The following DNAH2 variants were observed in gnomAD, a reference collection of about 807,000 sequenced individuals.
The protein encoded by DNAH2 is dynein axonemal heavy chain 2.
Under a neutral mutation model 523.5 loss-of-function variants are expected in DNAH2, and 323 were observed. That is an observed-to-expected ratio of 0.62 (90% CI 0.56 to 0.68). The LOEUF is 0.68. Ranked by LOEUF, DNAH2 falls within the 30% of genes least tolerant of loss-of-function variation. DNAH2 has a pLI of 0.00. For missense variants in DNAH2, 4,907 were observed against 5,701.5 expected (o/e 0.86, Z 4.49); for synonymous variants, 2,093 against 2,177.4 (o/e 0.96, Z 1.08).
rs141711615 is a variant in DNAH2, at chr17:7,827,360, T to C, written c.11853+2633T>C. ...CTATACTTGCCTTCCAAAAAATTTA[T>C]AATTTGACTTTCACATTTAAGTTTT... On this transcript the variant is annotated intron_variant, in intron 77 of 85. Transcript: ENST00000572933. Among the ~76,000 whole-genome samples the C allele has an allele frequency of 3.5e-3, 533 of 152,294 alleles. 2 individuals are homozygous for C. Among genetic ancestry groups the C allele is most frequent in the Non-Finnish European group, 6.1e-3 (412 of 68,034 alleles).
chr17:7,765,890 G>A (rs2076153857), intron 21 of DNAH2, among the ~76,000 whole-genome samples: 1 of 151,798 alleles, frequency 6.6e-6, no homozygotes, highest in Non-Finnish European at 1.5e-5. Flanking sequence ...CGATTCTCCT[G>A]CCTCAGCCTC....
chr17:7,734,299 T>C lies in DNAH2; in HGVS notation c.739+6T>C. ...GCTGGTGCAACGGCTAGAGAGTGAGTGGCTGGCACTGCTAGCATCACCTGG... is the reference window on the plus strand; with the variant it reads ...GCTGGTGCAACGGCTAGAGAGTGAGCGGCTGGCACTGCTAGCATCACCTGG... On this transcript the variant is annotated splice_donor_region_variant and intron_variant, in intron 6 of 85. Coordinates refer to ENST00000572933, the MANE Select transcript of DNAH2 (RefSeq NM_020877.5). 1 of 1,606,028 alleles carries C rather than the reference T, an allele frequency of 6.2e-7. No individual in the cohort carries two copies. The highest frequency in any genetic ancestry group is 8.5e-7 in the Non-Finnish European group (1 of 1,176,242).
chr17:7,773,787 T>C (rs1409392328), intron 28 of DNAH2, among the ~76,000 whole-genome samples: 2 of 152,068 alleles, frequency 1.3e-5, no homozygotes, highest in African/African-American at 4.8e-5. Context: ...TGGAGTGCGG[T>C]GGCACAATCT....
intron 44 of DNAH2, among the ~76,000 whole-genome samples, chr17:7,789,079 G>T (rs972907241): frequency 6.6e-6 from 1 of 152,176 alleles, no homozygotes; most frequent in Admixed American, 6.5e-5. Context: ...CAGGACAATC[G>T]CTTGAACCCA....
chr17:7,779,285 A>G lies in DNAH2; in HGVS notation c.5584A>G (p.Ile1862Val), dbSNP rs1338832725. ...CTTTGATGAGTTTAACCGCATCAACATCGAGGTGCTGTCAGTGGTGGCCCA... is the reference window on the plus strand; with the variant it reads ...CTTTGATGAGTTTAACCGCATCAACGTCGAGGTGCTGTCAGTGGTGGCCCA... ...GCFDEFNRIN[I>V]EVLSVVAHQI... The change falls in exon 36 of 86, where the codon ATC becomes GTC. Residue 1862 changes from isoleucine (I) to valine (V), a missense_variant. By Grantham distance (29) the Ile-to-Val change is conservative. Transcript: ENST00000572933. The G allele has an allele frequency of 1.9e-6, 3 of 1,614,152 alleles. No individual in the cohort carries two copies. The highest frequency in any genetic ancestry group is 1.7e-4 in the Middle Eastern group (1 of 6,028).
chr17:7,762,429 G>A (rs772120919), intron 18 of DNAH2, among the ~76,000 whole-genome samples: 118 of 147,890 alleles, frequency 8.0e-4, no homozygotes, highest in Non-Finnish European at 1.2e-3. Context: ...TCCGCCTCCC[G>A]GATTCATGCC....
In DNAH2 at chr17:7,798,996, T is replaced by C. The variant is rs1387399854; in HGVS notation, c.8560-107T>C. ...TGGGAGGATGGTTTGAGGCCAGGAG[T>C]TCAAGTCCAGCCTGGGAAACACTTC... On this transcript the variant is annotated intron_variant, in intron 55 of 85. Coordinates refer to ENST00000572933, the MANE Select transcript of DNAH2 (RefSeq NM_020877.5). This position sits in a 1 kb window ranked among gnomAD's most constrained non-coding sequence, Gnocchi z 5.5. The C allele has an allele frequency of 6.8e-7, 1 of 1,462,168 alleles. No homozygotes were observed. Among genetic ancestry groups the C allele is most frequent in the Admixed American group, 2.1e-5 (1 of 48,688 alleles). 90.6% of individuals were successfully genotyped at this position (1,462,168 alleles called of 1,614,324 possible). A position where few individuals can be genotyped will look rare whatever the true frequency, so the allele number is the denominator to read the frequency against.
chr17:7,740,796 C>T lies in DNAH2; in HGVS notation c.1507-14C>T, dbSNP rs1351582320. On this transcript the variant is annotated splice_polypyrimidine_tract_variant and intron_variant, in intron 10 of 85. Transcript: ENST00000572933. ...TCCCGGGCACGTCGCCAGCCTCTTCCTCTTCTTCCCTAGGCTATCAAGCGG... is the reference window on the plus strand; with the variant it reads ...TCCCGGGCACGTCGCCAGCCTCTTCTTCTTCTTCCCTAGGCTATCAAGCGG... 2 of 1,595,594 alleles carry T rather than the reference C, an allele frequency of 1.3e-6. No individual in the cohort carries two copies. Among genetic ancestry groups the T allele is most frequent in the African/African-American group, 2.7e-5 (2 of 74,620 alleles).
In DNAH2 at chr17:7,792,001, G is replaced by T. The variant is rs1206762389; in HGVS notation, c.6985G>T (p.Val2329Leu). 6.2e-7 allele frequency: 1 copy of T among 1,614,092 alleles called. No homozygotes were observed. The stretch of plus-strand genomic sequence containing the variant: ...CATGATCTGGTCTGTGTGTGCCTCT[G>T]TGGATGAGGAGGGCCGGAAGAGGAT... ...FSMIWSVCAS[V>L]DEEGRKRIDS... The change falls in exon 45 of 86, where the codon GTG becomes TTG. Residue 2329 changes from valine to leucine, a missense_variant. Val to Leu is a conservative substitution (Grantham distance 32). This residue lies in a region of DNAH2 where 2,806 missense variants were observed against 3,190.8 expected (regional missense o/e 0.88). Transcript: ENST00000572933.
At position 7,830,338 on chromosome 17, in the gene DNAH2, G is replaced by A; in HGVS notation, c.11892G>A (p.Met3964Ile). ...ACATGACACGTCTTTACCAACTGAT[G>A]TCAGAACCACAGTTTTCCCGCTGCT... is the stretch of plus-strand genomic sequence containing the variant. ...KANMTRLYQL[M>I]SEPQFSRCSK... Residue 3964 changes from methionine (M) to isoleucine (I), a missense_variant, in exon 78 of 86, where the codon ATG (methionine) becomes ATA (isoleucine). Physicochemically the swap from Met to Ile is conservative, Grantham distance 10. Around this residue, in one of 3 missense-constraint regions of DNAH2, gnomAD observed 1,851 missense variants for 2,139.4 expected, o/e 0.87. Coordinates refer to ENST00000572933, the MANE Select transcript of DNAH2 (RefSeq NM_020877.5). 2 of 1,614,230 alleles carry A rather than the reference G, an allele frequency of 1.2e-6. No individual in the cohort carries two copies. The highest frequency in any genetic ancestry group is 1.7e-6 in the Non-Finnish European group (2 of 1,180,038).
chr17:7,795,960 A>C (rs1001224158), intron 49 of DNAH2, among the ~76,000 whole-genome samples: 5 of 147,964 alleles, frequency 3.4e-5, no homozygotes, highest in African/African-American at 1.2e-4. Flanking sequence ...TAAATAAATA[A>C]ATATAAATAT....
At chr17:7,743,229 T>A in intron 12 of DNAH2, 87 bp downstream of exon 12, 1 of 1,283,638 alleles carries the variant, frequency 7.8e-7, no homozygotes, top group Middle Eastern at 1.8e-4. Context: ...ACTCCTCTCT[T>A]CATTATTCTC....
At chr17:7,815,005 A>G (rs548652554) in intron 63 of DNAH2, among the ~76,000 whole-genome samples, 1 of 152,334 alleles carries the variant, frequency 6.6e-6, no homozygotes, top group South Asian at 2.1e-4. Context: ...ACAAAAAAAA[A>G]GAAAAAGAAA....
rs2075160132 is a variant in DNAH2, at chr17:7,736,945, G to A, written c.979-122G>A. The stretch of plus-strand genomic sequence containing the variant: ...TGCAGTGAGCTGAGATCGCGCCATT[G>A]CACTCCAGCCCGGGTGACAAGAGTA... On this transcript the variant is annotated intron_variant, in intron 7 of 85. Coordinates refer to ENST00000572933, the MANE Select transcript of DNAH2 (RefSeq NM_020877.5). The A allele has an allele frequency of 6.7e-6, 6 of 889,770 alleles. No individual in the cohort carries two copies. In the South Asian group the frequency reaches 1.1e-4, roughly 16 times the overall value. The allele number at this position is 889,770 out of a possible 1,614,324, so 55.1% of individuals were successfully genotyped here.
At chr17:7,736,745 G>T (rs1476489280) in intron 7 of DNAH2, among the ~76,000 whole-genome samples, 6 of 152,164 alleles carry the variant, frequency 3.9e-5, no homozygotes, top group Admixed American at 3.9e-4. Flanking sequence ...ACTTTGGGAG[G>T]CTGAGGCAGG....
chr17:7,736,780 G>A (rs111910199), intron 7 of DNAH2, among the ~76,000 whole-genome samples: 2 of 152,254 alleles, frequency 1.3e-5, no homozygotes, highest in African/African-American at 2.4e-5. Flanking sequence ...TCAGGAGTTC[G>A]AGACCAGTCT....
intron 11 of DNAH2, among the ~76,000 whole-genome samples, chr17:7,741,361 T>TTCCTTCCTTCCTTCCTTC (rs2075344312): frequency 1.6e-5 from 1 of 62,618 alleles, no homozygotes; most frequent in African/African-American, 6.9e-5. Context: ...TTCCTTCCTT[T>TTCCTTCCTTCCTTCCTTC]CTTTTTGTTT....
chr17:7,775,216 T>C (rs2151231617), intron 29 of DNAH2, 25 bp from the exon 30 acceptor site: 1 of 1,605,494 alleles, frequency 6.2e-7, no homozygotes, highest in Non-Finnish European at 8.5e-7. Flanking sequence ...CAGGCCAGGC[T>C]CTGAGTAGCT....
At chr17:7,779,070 A>G (rs978122691) in intron 35 of DNAH2, among the ~76,000 whole-genome samples, 173 bp from the exon 36 acceptor site, 1 of 152,100 alleles carries the variant, frequency 6.6e-6, no homozygotes, top group African/African-American at 2.4e-5. Flanking sequence ...GCCCCATCTG[A>G]TGGAAAGTTC....
Sources: gnomAD v4.1 joint callset for allele counts (sites outside exome capture counted in the v4.1 genomes callset) on GRCh38, gnomAD v4.1.1 for gene constraint, gnomAD v4.1.1 regional missense constraint, Gnocchi (gnomAD v3.1) non-coding constraint, MANE v1.5 for transcripts, NCBI Gene and HGNC (gene_info 2026-07-23, HGNC 2026-07-21) for gene names.